The following NHSL2 variants were observed in gnomAD, a reference collection of about 807,000 sequenced individuals.
NHSL2 encodes NHS like 2.
NHSL2 carries 27 observed loss-of-function variants against 53.4 expected under a neutral mutation model. The ratio of observed to expected loss-of-function variants is 0.51; its 90% CI spans 0.37 to 0.70. NHSL2 has a LOEUF of 0.70. Among genes scored for constraint, NHSL2 ranks in the 30% least tolerant of loss-of-function variants. The pLI is 0.00. For synonymous variants in NHSL2, 408 were observed against 404.1 expected (o/e 1.01, Z -0.12); for missense variants, 892 against 980.1 (o/e 0.91, Z 1.20).
intron 1 of NHSL2, among the ~76,000 whole-genome samples, chrX:72,100,063 A>G (rs1293449970): frequency 2.7e-5 from 3 of 111,830 alleles, no homozygotes; most frequent in Admixed American, 9.5e-5. Flanking sequence ...TCACCACTCA[A>G]GGCAACTCAT....
chrX:72,039,142 C>A (rs1267622307), intron 1 of NHSL2, among the ~76,000 whole-genome samples: 1 of 79,295 alleles, frequency 1.3e-5, no homozygotes, highest in Non-Finnish European at 2.2e-5. Flanking sequence ...CTTTCCTTTC[C>A]TTTCCTTCCT....
At chrX:72,117,638 T>C (rs1239817220) in intron 1 of NHSL2, among the ~76,000 whole-genome samples, 1 of 110,248 alleles carries the variant, frequency 9.1e-6, no homozygotes. Context: ...ATCGACTTTG[T>C]GTCTTAATGG....
intron 1 of NHSL2, among the ~76,000 whole-genome samples, chrX:71,974,987 A>T: frequency 1.8e-5 from 2 of 112,157 alleles, no homozygotes; most frequent in South Asian, 7.6e-4. Context: ...GAGAAGATTC[A>T]GCCATGGCAG....
At chrX:71,975,683 C>T (rs2041945358) in intron 1 of NHSL2, among the ~76,000 whole-genome samples, 1 of 110,773 alleles carries the variant, frequency 9.0e-6, no homozygotes, top group African/African-American at 3.3e-5. Context: ...CTAGCTCCTT[C>T]CTCATCACCA....
At chrX:71,927,545 CTTTCTTTTTTTTTTTTCT>C (rs1474540019) in intron 1 of NHSL2, among the ~76,000 whole-genome samples, 1 of 110,137 alleles carries the variant, frequency 9.1e-6, no homozygotes, top group African/African-American at 3.3e-5. Context: ...TACTTGTTTT[CTTTCTTTTTTTTTTTTCT>C]TTTCTTTTTT....
At chrX:71,949,869 G>A (rs897793793) in intron 1 of NHSL2, among the ~76,000 whole-genome samples, 1 of 112,903 alleles carries the variant, frequency 8.9e-6, no homozygotes, top group African/African-American at 3.2e-5. Context: ...CAGTGGGGTA[G>A]AGGCTGGTTC....
intron 1 of NHSL2, among the ~76,000 whole-genome samples, chrX:72,041,803 G>A: frequency 8.9e-6 from 1 of 112,386 alleles, no homozygotes; most frequent in Non-Finnish European, 1.9e-5. Context: ...CCCTTTCTGG[G>A]TCCAAATGTT....
At chrX:72,027,572 G>A (rs1010791514) in intron 1 of NHSL2, 1 of 111,411 alleles carries the variant, frequency 9.0e-6, no homozygotes, top group Admixed American at 9.5e-5. Context: ...TGGAAATTTG[G>A]TGAACTTGGC....
chrX:72,111,355 C>T (rs1194967394), intron 1 of NHSL2, among the ~76,000 whole-genome samples: 1 of 112,612 alleles, frequency 8.9e-6, no homozygotes, highest in African/African-American at 3.2e-5. Flanking sequence ...AGTAGTCCTC[C>T]ACTCTGCTGC....
intron 1 of NHSL2, among the ~76,000 whole-genome samples, chrX:72,027,250 C>G (rs1022104365): frequency 8.9e-6 from 1 of 111,967 alleles, no homozygotes; most frequent in Non-Finnish European, 1.9e-5. Context: ...GAAGGAACTT[C>G]CAGTAAGGCT....
Position 72,132,073 on chromosome X carries a change from C to A in NHSL2, c.281-6C>A. On this transcript the variant is annotated splice_polypyrimidine_tract_variant and splice_region_variant and intron_variant, in intron 1 of 7. Coordinates refer to ENST00000633930, the MANE Select transcript of NHSL2 (RefSeq NM_001013627.3). Reference sequence around the variant, plus strand: ...TGCGCCTCTCACTGACTCTCTCCTTCCCTAGCTGCAGCTAACTCGGGTCGG... The same window carrying A: ...TGCGCCTCTCACTGACTCTCTCCTTACCTAGCTGCAGCTAACTCGGGTCGG... 8.6e-7 allele frequency: 1 copy of A among 1,166,824 alleles called. No individual in the cohort carries two copies.
intron 1 of NHSL2, among the ~76,000 whole-genome samples, chrX:72,081,759 A>G (rs1250557864): frequency 8.9e-6 from 1 of 112,721 alleles, no homozygotes; most frequent in Non-Finnish European, 1.9e-5. Flanking sequence ...CAGAGCTGAG[A>G]TAAGATCGTT....
Position 72,029,391 on chromosome X carries a change from A to G in NHSL2, c.281-102688A>G, listed in dbSNP as rs182497923. Among the ~76,000 whole-genome samples the G allele has an allele frequency of 4.8e-3, 535 of 112,337 alleles. 3 individuals carry two copies. The highest frequency in any genetic ancestry group is 0.016 in the African/African-American group (505 of 30,957). The stretch of plus-strand genomic sequence containing the variant: ...ACCCTACTTAAAAACAAATCCTCAT[A>G]GCCCAGCTACCACTGCACTGGGTGT... On this transcript the variant is annotated intron_variant, in intron 1 of 7. Coordinates refer to ENST00000633930, the MANE Select transcript of NHSL2 (RefSeq NM_001013627.3).
At chrX:72,095,917 A>G (rs2041940016) in intron 1 of NHSL2, among the ~76,000 whole-genome samples, 1 of 111,295 alleles carries the variant, frequency 9.0e-6, no homozygotes, top group African/African-American at 3.3e-5. Flanking sequence ...CACTGCTAAA[A>G]TCCATTCCTT....
Position 71,987,954 on chromosome X carries a change from T to A in NHSL2, c.280+76587T>A, listed in dbSNP as rs543329265. 1.9e-4 allele frequency among the ~76,000 whole-genome samples: 21 copies of A among 112,243 alleles called. No homozygotes were observed. The South Asian group carries it at 7.3e-3, about 39-fold the overall frequency. ...ATAATTTTAAGGGCTAACTATAACA[T>A]GAAACCCCAAATTCCTGTCCACTGG... On this transcript the variant is annotated intron_variant, in intron 1 of 7. Transcript: ENST00000633930.
chrX:72,019,118 A>C (rs1347307442), intron 1 of NHSL2, among the ~76,000 whole-genome samples: 1 of 111,928 alleles, frequency 8.9e-6, no homozygotes, highest in African/African-American at 3.2e-5. Flanking sequence ...GAATCTGCCT[A>C]AGGACCCAGT....
At chrX:71,953,434 C>T (rs762325534) in intron 1 of NHSL2, among the ~76,000 whole-genome samples, 1 of 111,688 alleles carries the variant, frequency 9.0e-6, no homozygotes, top group South Asian at 3.8e-4. Flanking sequence ...ATCAATGAGT[C>T]ACAGATTTTT....
chrX:72,028,256 G>A (rs1196968345), intron 1 of NHSL2, among the ~76,000 whole-genome samples: 1 of 111,880 alleles, frequency 8.9e-6, no homozygotes, highest in Non-Finnish European at 1.9e-5. Flanking sequence ...AGCTTTTAAG[G>A]ACTTCAGTTT....
chrX:72,128,349 C>T (rs963088308), intron 1 of NHSL2: 10 of 112,777 alleles, frequency 8.9e-5, no homozygotes, highest in African/African-American at 3.2e-4. Flanking sequence ...CCTTTGGCCA[C>T]AAACCCTGGC....
Sources: allele counts gnomAD v4.1 joint callset (sites outside exome capture counted in the v4.1 genomes callset), GRCh38; gene constraint gnomAD v4.1.1; transcripts MANE v1.5; gene names NCBI Gene and HGNC (gene_info 2026-07-23, HGNC 2026-07-21).